Variants in PRDM5 observed in about 807,000 individuals in gnomAD.
PRDM5 encodes the protein PR/SET domain 5.
A neutral mutation model predicts 81.2 loss-of-function variants in PRDM5; 56 were observed. That is an observed-to-expected ratio of 0.69 (90% CI 0.56 to 0.86). The LOEUF (loss-of-function observed/expected upper bound fraction) is 0.86, where lower values mean the gene tolerates loss of function less well. PRDM5 is among the 40% of genes least tolerant of loss of function. The pLI is 0.00. For synonymous variants in PRDM5, 267 were observed against 256.4 expected (o/e 1.04, Z -0.39); for missense variants, 697 against 770.1 (o/e 0.91, Z 1.12).
chr4:120,851,857 T>G (rs1259817300), intron 3 of PRDM5, among the ~76,000 whole-genome samples: 1 of 152,152 alleles, frequency 6.6e-6, no homozygotes, highest in East Asian at 1.9e-4. Context: ...TGACCACATG[T>G]ATATGAAGCT....
chr4:120,689,690 T>TC (rs1217479907), downstream of PRDM5, among the ~76,000 whole-genome samples: 1 of 152,016 alleles, frequency 6.6e-6, no homozygotes, highest in Non-Finnish European at 1.5e-5. Flanking sequence ...CACTGCTACT[T>TC]CCGCCTCCAG....
chr4:120,810,095 T>A (rs1254025685), intron 8 of PRDM5, among the ~76,000 whole-genome samples: 3 of 152,300 alleles, frequency 2.0e-5, no homozygotes, highest in East Asian at 3.9e-4. Flanking sequence ...ACACAATAAA[T>A]GTAATGTGCT....
chr4:120,884,216 T>C (rs1167656704), intron 2 of PRDM5, among the ~76,000 whole-genome samples: 3 of 152,128 alleles, frequency 2.0e-5, no homozygotes, highest in East Asian at 1.9e-4. Context: ...CAAGAGTGAA[T>C]ACACAAAAAA....
At chr4:120,799,222 T>C (rs935084228) in intron 9 of PRDM5, among the ~76,000 whole-genome samples, 1 of 152,202 alleles carries the variant, frequency 6.6e-6, no homozygotes, top group Non-Finnish European at 1.5e-5. Flanking sequence ...TACTAACATG[T>C]ATTAGTAACT....
intron 3 of PRDM5, among the ~76,000 whole-genome samples, chr4:120,852,090 G>A (rs1759335973): frequency 1.3e-5 from 2 of 151,928 alleles, no homozygotes; most frequent in Admixed American, 6.6e-5. Flanking sequence ...CTAACTATAG[G>A]GCTCCTCTAA....
At chr4:120,794,037 C>T (rs1750988778) in intron 10 of PRDM5, among the ~76,000 whole-genome samples, 2 of 152,212 alleles carry the variant, frequency 1.3e-5, no homozygotes, top group South Asian at 4.1e-4. Flanking sequence ...AAGCAATTTG[C>T]CATTAGCTAA....
intron 2 of PRDM5, among the ~76,000 whole-genome samples, chr4:120,883,475 T>C (rs1344583666): frequency 1.3e-5 from 2 of 151,872 alleles, no homozygotes; most frequent in Non-Finnish European, 2.9e-5. Flanking sequence ...AGTACACACA[T>C]TCATCTCTTG....
chr4:120,811,945 T>A (rs545758929), intron 7 of PRDM5, among the ~76,000 whole-genome samples: 1 of 152,280 alleles, frequency 6.6e-6, no homozygotes, highest in East Asian at 1.9e-4. Context: ...GTCACCCTGT[T>A]GTGCTATCAA....
chr4:120,821,029 A>T, intron 4 of PRDM5, 142 bp downstream of exon 4: 1 of 1,001,574 alleles, frequency 1.0e-6, no homozygotes, highest in Non-Finnish European at 1.6e-6. Context: ...CCACCACAGG[A>T]TACCCTCGAG....
intron 3 of PRDM5, among the ~76,000 whole-genome samples, chr4:120,851,184 A>G (rs1759219428): frequency 6.6e-6 from 1 of 152,108 alleles, no homozygotes; most frequent in Admixed American, 6.6e-5. Context: ...GAATTTGGAG[A>G]AGGCTTAAAA....
chr4:120,881,699 A>G (rs1006378580), intron 2 of PRDM5, among the ~76,000 whole-genome samples: 4 of 152,210 alleles, frequency 2.6e-5, no homozygotes, highest in Non-Finnish European at 5.9e-5. Context: ...TTTGAAAATA[A>G]CTGTATGGAA....
intron 13 of PRDM5, among the ~76,000 whole-genome samples, chr4:120,773,090 C>T (rs1002603287): frequency 5.9e-5 from 9 of 152,032 alleles, no homozygotes; most frequent in African/African-American, 1.2e-4. Context: ...GCACTTGTAA[C>T]GCATGCTGAT....
At chr4:120,736,269 TG>T (rs1245866550) in intron 14 of PRDM5, among the ~76,000 whole-genome samples, 5 of 151,408 alleles carry the variant, frequency 3.3e-5, no homozygotes, top group Admixed American at 2.0e-4. Context: ...AATCATCTGT[TG>T]ATGGATACTC....
intron 13 of PRDM5, among the ~76,000 whole-genome samples, chr4:120,764,593 A>C (rs1371541233): frequency 6.6e-6 from 1 of 151,934 alleles, no homozygotes; most frequent in Non-Finnish European, 1.5e-5. Context: ...GAAAAAAAAA[A>C]CAGTGGAAGA....
rs568086447 is a variant in PRDM5, at chr4:120,909,256, G to A, written c.94-1699C>T. Among the ~76,000 whole-genome samples, 12 of 152,296 alleles carry A rather than the reference G, an allele frequency of 7.9e-5. No individual in the cohort carries two copies. In the South Asian group the frequency reaches 1.5e-3, roughly 18 times the overall value. On this transcript the variant is annotated intron_variant, in intron 1 of 15. Coordinates refer to ENST00000264808, the MANE Select transcript of PRDM5 (RefSeq NM_018699.4). ...CCAACACTCAAAACCCTGACAGACAGCTGCATGGTCCACTGCTGAGGCCAC... is the reference window on the plus strand; with the variant it reads ...CCAACACTCAAAACCCTGACAGACAACTGCATGGTCCACTGCTGAGGCCAC...
At chr4:120,760,582 G>C (rs568784066) in intron 13 of PRDM5, among the ~76,000 whole-genome samples, 1 of 152,128 alleles carries the variant, frequency 6.6e-6, no homozygotes, top group South Asian at 2.1e-4. Flanking sequence ...TTTAAATTAT[G>C]TGTTGACACT....
At chr4:120,781,073 T>G in intron 12 of PRDM5, 70 bp downstream of exon 12, 1 of 1,283,658 alleles carries the variant, frequency 7.8e-7, no homozygotes, top group South Asian at 1.3e-5. Context: ...TTATCACATG[T>G]TAGTTAACAT....
chr4:120,890,582 C>T (rs74429973), intron 2 of PRDM5, among the ~76,000 whole-genome samples: 11,296 of 152,254 alleles, frequency 0.074, 460 homozygotes, highest in East Asian at 0.15. Flanking sequence ...TACATTTCCA[C>T]CAGCAGTGTA....
At chr4:120,761,985 G>A (rs1278350133) in intron 13 of PRDM5, among the ~76,000 whole-genome samples, 6 of 152,022 alleles carry the variant, frequency 3.9e-5, no homozygotes, top group African/African-American at 1.2e-4. Flanking sequence ...CAGCCAATGT[G>A]CCCTATGCTT....
Sources: allele counts gnomAD v4.1 joint callset (sites outside exome capture counted in the v4.1 genomes callset), GRCh38; gene constraint gnomAD v4.1.1; transcripts MANE v1.5; gene names NCBI Gene and HGNC (gene_info 2026-07-23, HGNC 2026-07-21).